DPP10: variants seen among roughly 807,000 people sequenced by gnomAD.
DPP10 encodes dipeptidyl peptidase like 10, also known as inactive dipeptidyl peptidase 10.
A neutral mutation model predicts 120.9 loss-of-function variants in DPP10; 33 were observed. The ratio of observed to expected loss-of-function variants is 0.27; its 90% confidence interval spans 0.21 to 0.37. The LOEUF is 0.37. DPP10 is among the 10% of genes least tolerant of loss of function. The pLI is 1.00. For synonymous variants in DPP10, 337 were observed against 326.1 expected (o/e 1.03, Z -0.36); for missense variants, 816 against 942.8 (o/e 0.87, Z 1.76).
intron 1 of DPP10, among the ~76,000 whole-genome samples, chr2:115,142,580 CA>C (rs1311010809): frequency 4.0e-4 from 61 of 152,288 alleles, no homozygotes; most frequent in African/African-American, 1.3e-3. Flanking sequence ...AACTGAAAAT[CA>C]GGGGTGAGTG....
chr2:115,484,006 C>T (rs999370999), intron 3 of DPP10, among the ~76,000 whole-genome samples: 6 of 152,060 alleles, frequency 3.9e-5, no homozygotes, highest in African/African-American at 1.2e-4. Flanking sequence ...CAGACAAAAT[C>T]ATTTTTCTCC....
intron 1 of DPP10, among the ~76,000 whole-genome samples, chr2:114,870,445 TA>T (rs66515219): frequency 2.5e-4 from 38 of 149,184 alleles, no homozygotes; most frequent in African/African-American, 6.4e-4. Flanking sequence ...ATGTGTAGTG[TA>T]AAAAAAAAAT....
chr2:114,922,253 C>T (rs1695250860), intron 1 of DPP10, among the ~76,000 whole-genome samples: 1 of 152,122 alleles, frequency 6.6e-6, no homozygotes, highest in South Asian at 2.1e-4. Flanking sequence ...GCAGTCACCT[C>T]CCTCTCAGTT....
chr2:114,631,410 G>A (rs1003679862), intron 1 of DPP10, among the ~76,000 whole-genome samples: 1 of 152,118 alleles, frequency 6.6e-6, no homozygotes, highest in African/African-American at 2.4e-5. Flanking sequence ...AATGAGGGAG[G>A]AGTTAACAGG....
chr2:115,493,512 T>C, intron 3 of DPP10, among the ~76,000 whole-genome samples: 1 of 123,008 alleles, frequency 8.1e-6, no homozygotes. Context: ...ACTGAAGAGC[T>C]GTTGGAAAAA....
At chr2:115,727,084 A>G (rs1260125093) in intron 7 of DPP10, among the ~76,000 whole-genome samples, 1 of 152,160 alleles carries the variant, frequency 6.6e-6, no homozygotes, top group African/African-American at 2.4e-5. Context: ...TGAATTATCT[A>G]TATCATAGGC....
intron 2 of DPP10, among the ~76,000 whole-genome samples, chr2:115,328,239 G>T (rs2062481652): frequency 6.6e-6 from 1 of 152,062 alleles, no homozygotes; most frequent in Non-Finnish European, 1.5e-5. Flanking sequence ...GTATCACAGT[G>T]TGTAAATGCT....
chr2:115,576,445 C>T (rs1280743187), intron 5 of DPP10, among the ~76,000 whole-genome samples: 8 of 152,058 alleles, frequency 5.3e-5, no homozygotes, highest in East Asian at 1.9e-4. Flanking sequence ...ATATTTTAGA[C>T]GCTAAGCACA....
chr2:115,021,983 C>A (rs1703108604), intron 1 of DPP10, among the ~76,000 whole-genome samples: 1 of 151,914 alleles, frequency 6.6e-6, no homozygotes. Context: ...AAACCCTCAG[C>A]AAAATTGGCC....
At chr2:114,927,439 C>T (rs1695718339) in intron 1 of DPP10, among the ~76,000 whole-genome samples, 1 of 151,916 alleles carries the variant, frequency 6.6e-6, no homozygotes, top group Non-Finnish European at 1.5e-5. Flanking sequence ...GTAAGAAGTA[C>T]ATTAATTCAT....
chr2:114,515,298 G>A (rs1684503088), intron 1 of DPP10, among the ~76,000 whole-genome samples: 1 of 152,130 alleles, frequency 6.6e-6, no homozygotes, highest in African/African-American at 2.4e-5. Context: ...AACTTTAAAG[G>A]TACCGAAGTC....
chr2:114,948,687 T>A (rs1415069896), intron 1 of DPP10, among the ~76,000 whole-genome samples: 1 of 152,196 alleles, frequency 6.6e-6, no homozygotes, highest in Non-Finnish European at 1.5e-5. Context: ...TACTATCTTG[T>A]CAAGTACCAC....
intron 3 of DPP10, among the ~76,000 whole-genome samples, chr2:115,374,794 G>A (rs1326188312): frequency 1.3e-5 from 2 of 152,208 alleles, no homozygotes; most frequent in African/African-American, 4.8e-5. Flanking sequence ...GATCTGAGCT[G>A]TACATTGGTT....
chr2:115,438,425 T>C (rs1442249288), intron 3 of DPP10, among the ~76,000 whole-genome samples: 1 of 152,144 alleles, frequency 6.6e-6, no homozygotes, highest in Non-Finnish European at 1.5e-5. Flanking sequence ...TACATATACT[T>C]GCGTGCCAAT....
chr2:115,336,780 AAATT>A (rs1169191515), intron 2 of DPP10, among the ~76,000 whole-genome samples: 1 of 152,138 alleles, frequency 6.6e-6, no homozygotes, highest in Non-Finnish European at 1.5e-5. Flanking sequence ...AGATTAATAA[AAATT>A]AATAATATTT....
chr2:114,754,877 T>A (rs1242480918), intron 1 of DPP10, among the ~76,000 whole-genome samples: 1 of 152,184 alleles, frequency 6.6e-6, no homozygotes, highest in African/African-American at 2.4e-5. Flanking sequence ...GTTTTTCAAA[T>A]GTAAACTGGG....
intron 1 of DPP10, among the ~76,000 whole-genome samples, chr2:114,598,914 G>A (rs1272868660): frequency 2.6e-5 from 4 of 151,850 alleles, no homozygotes; most frequent in Admixed American, 2.6e-4. Flanking sequence ...TTTATGTGTG[G>A]CCTGACTTCT....
intron 8 of DPP10, among the ~76,000 whole-genome samples, chr2:115,736,286 A>G (rs1336439867): frequency 6.6e-6 from 1 of 152,140 alleles, no homozygotes; most frequent in Non-Finnish European, 1.5e-5. Context: ...CAGGTGGGGC[A>G]CACTGCATGT....
At chr2:115,120,792 A>G (rs1279667262) in intron 1 of DPP10, among the ~76,000 whole-genome samples, 2 of 152,172 alleles carry the variant, frequency 1.3e-5, no homozygotes, top group African/African-American at 4.8e-5. Flanking sequence ...ACAACTAGTC[A>G]TTTTACTTTA....
Sources: gnomAD v4.1 joint callset for allele counts (sites outside exome capture counted in the v4.1 genomes callset) on GRCh38, gnomAD v4.1.1 for gene constraint, MANE v1.5 for transcripts, NCBI Gene and HGNC (gene_info 2026-07-23, HGNC 2026-07-21) for gene names.